The following KLRD1 variants were observed in gnomAD, a reference collection of about 807,000 sequenced individuals.
The protein encoded by KLRD1 is killer cell lectin like receptor D1.
A neutral mutation model predicts 22.6 loss-of-function variants in KLRD1; 21 were observed. The observed-to-expected ratio is 0.93, with a 90% CI of 0.66 to 1.34. The LOEUF is 1.34. Ranked by LOEUF, KLRD1 falls within the 40% of genes most tolerant of loss-of-function variation. KLRD1 has a pLI of 0.00. For synonymous variants in KLRD1, 59 were observed against 71.1 expected, an observed-to-expected ratio of 0.83 and a Z score of 0.85; for missense variants, 183 against 208.6, an observed-to-expected ratio of 0.88 and a Z score of 0.76.
chr12:10,307,942 C>A lies in KLRD1; in HGVS notation c.-136C>A. On this transcript the variant is annotated 5_prime_UTR_variant, in exon 1 of 6. Coordinates refer to ENST00000336164, the MANE Select transcript of KLRD1 (RefSeq NM_002262.5). ...ATTTAAATACACAATTTTTCATTCT[C>A]TATTTTTGCTAAATTTCTTCATACT... 2.6e-6 allele frequency: 2 copies of A among 761,348 alleles called. No individual in the cohort carries two copies. Among genetic ancestry groups the A allele is most frequent in the East Asian group, 2.5e-5 (1 of 39,844 alleles). The allele number at this position is 761,348 out of a possible 1,614,324, so 47.2% of individuals were successfully genotyped here.
In KLRD1 at chr12:10,311,925, CTG is replaced by C. The variant is rs1470078825; in HGVS notation, c.315+313_315+314del. Among the ~76,000 whole-genome samples the C allele has an allele frequency of 1.3e-4, 20 of 152,122 alleles. No homozygotes were observed. The South Asian group carries it at 2.7e-3, about 21-fold the overall frequency. ...TTTATTTGAAGAACCAACTAAATGACTGTGATTCTTAACTCTTTTAATTGAAT... is the reference window on the plus strand; with the variant it reads ...TTTATTTGAAGAACCAACTAAATGACTGATTCTTAACTCTTTTAATTGAAT... On this transcript the variant is annotated intron_variant, in intron 4 of 5. Coordinates refer to ENST00000336164, the MANE Select transcript of KLRD1 (RefSeq NM_002262.5).
intron 1 of KLRD1, among the ~76,000 whole-genome samples, chr12:10,256,443 G>GCA (rs1225512584): frequency 1.8e-4 from 10 of 56,764 alleles, no homozygotes; most frequent in Non-Finnish European, 2.5e-4. Context: ...TTTTTTTTTT[G>GCA]TAGAGACACA....
At position 10,309,773 on chromosome 12, in the gene KLRD1, A is replaced by T. The variant is rs75351808; in HGVS notation, c.163+85A>T. On this transcript the variant is annotated intron_variant, in intron 3 of 5. Coordinates refer to ENST00000336164, the MANE Select transcript of KLRD1 (RefSeq NM_002262.5). ...TTTTTCACACAGAGAGGCATGATGG[A>T]ATATTATACTTAGTAATAGAAATTT... The T allele has an allele frequency of 2.3e-3, 2,095 of 896,088 alleles. 28 individuals carry two copies. The African/African-American group carries it at 0.03, about 13-fold the overall frequency. 55.5% of individuals were successfully genotyped at this position (896,088 alleles called of 1,614,324 possible). A position where few individuals can be genotyped will look rare whatever the true frequency, so the allele number is the denominator to read the frequency against.
At chr12:10,293,005 C>G (rs1350268567) in intron 1 of KLRD1, among the ~76,000 whole-genome samples, 1 of 149,802 alleles carries the variant, frequency 6.7e-6, no homozygotes, top group African/African-American at 2.4e-5. Context: ...TCTCAAGAAG[C>G]AACCTCTGCT....
At chr12:10,248,074 C>T (rs147361687) in intron 1 of KLRD1, among the ~76,000 whole-genome samples, 5 of 152,242 alleles carry the variant, frequency 3.3e-5, no homozygotes, top group East Asian at 1.9e-4. Flanking sequence ...TGTGCACATG[C>T]GTGACCTTGA....
chr12:10,288,863 C>T (rs897812035), intron 1 of KLRD1, among the ~76,000 whole-genome samples: 4 of 152,080 alleles, frequency 2.6e-5, no homozygotes, highest in South Asian at 2.1e-4. Context: ...GTGTTTAATG[C>T]GTACCAAATG....
chr12:10,316,300 A>C lies in KLRD1; in HGVS notation c.*1507A>C, dbSNP rs1385266797. 6.6e-6 allele frequency: 1 copy of C among 152,170 alleles called. No homozygotes were observed. The highest frequency in any genetic ancestry group is 1.5e-5 in the Non-Finnish European group (1 of 68,020). 9.4% of individuals were successfully genotyped at this position (152,170 alleles called of 1,614,324 possible). On this transcript the variant is annotated 3_prime_UTR_variant, in exon 6 of 6. Coordinates refer to ENST00000336164, the MANE Select transcript of KLRD1 (RefSeq NM_002262.5). ...TGTACACTAGGCCACTGGTGTACCA[A>C]TTAGAAACCACTTTAGAGTTATGCC...
At chr12:10,268,045 G>A (rs192470927) in intron 1 of KLRD1, among the ~76,000 whole-genome samples, 1 of 152,276 alleles carries the variant, frequency 6.6e-6, no homozygotes, top group East Asian at 1.9e-4. Flanking sequence ...ATCAGTAAAG[G>A]TAAGTGAGTT....
Position 10,315,004 on chromosome 12 carries a change from A to C in KLRD1, c.*211A>C, listed in dbSNP as rs984191702. On this transcript the variant is annotated 3_prime_UTR_variant, in exon 6 of 6. Transcript: ENST00000336164. The stretch of plus-strand genomic sequence containing the variant: ...CATTTGAGAATTATAAAATTAACAT[A>C]AAGAATTTTGTATTTTCATTTAATG... The C allele has an allele frequency of 2.6e-6, 1 of 382,752 alleles. No individual in the cohort carries two copies. The highest frequency in any genetic ancestry group is 2.2e-5 in the African/African-American group (1 of 45,784). The allele number at this position is 382,752 out of a possible 1,614,324, so 23.7% of individuals were successfully genotyped here.
At position 10,321,868 on chromosome 12, in the gene KLRD1, G is replaced by T. The variant is rs910794942; in HGVS notation, c.*7075G>T. ...ATACAACCCAACCTACATTTTTACT[G>T]CAACCTCATGAGGGATCCTGAGCTA... On this transcript the variant is annotated 3_prime_UTR_variant, in exon 6 of 6. Coordinates refer to ENST00000336164, the MANE Select transcript of KLRD1 (RefSeq NM_002262.5). 1 of 152,146 alleles carries T rather than the reference G, an allele frequency of 6.6e-6. No individual in the cohort carries two copies. The highest frequency in any genetic ancestry group is 1.5e-5 in the Non-Finnish European group (1 of 68,032). 9.4% of individuals were successfully genotyped at this position (152,146 alleles called of 1,614,324 possible).
chr12:10,264,124 A>G lies in KLRD1; in HGVS notation c.-101+37891A>G, dbSNP rs1258742367. 3.3e-5 allele frequency among the ~76,000 whole-genome samples: 5 copies of G among 152,144 alleles called. No homozygotes were observed. The South Asian group carries it at 6.2e-4, about 19-fold the overall frequency. ...CCAAGAATATTCTTGTTTATTTAGC[A>G]TTTCCTCCTCTATTTCTGTCATATA... On this transcript the variant is annotated intron_variant, in intron 1 of 5. Transcript: ENST00000544747.
rs1468255135 is a variant in KLRD1 at position 10,329,175 on chromosome 12, T to G, written c.*14382T>G. 6.6e-6 allele frequency: 1 copy of G among 152,236 alleles called. No homozygotes were observed. Among genetic ancestry groups the G allele is most frequent in the African/African-American group, 2.4e-5 (1 of 41,466 alleles). The allele number at this position is 152,236 out of a possible 1,614,324, so 9.4% of individuals were successfully genotyped here. ...TATAAACTTTTCTTTTAGCCCTACT[T>G]TTACTACATCCCATAAGTTTTGTTA... On this transcript the variant is annotated 3_prime_UTR_variant, in exon 6 of 6. Transcript: ENST00000336164.
intron 1 of KLRD1, among the ~76,000 whole-genome samples, chr12:10,252,578 CTT>C: frequency 6.6e-6 from 1 of 152,178 alleles, no homozygotes; most frequent in South Asian, 2.1e-4. Context: ...CCTCATGTTA[CTT>C]AAGATTTGAA....
intron 1 of KLRD1, among the ~76,000 whole-genome samples, chr12:10,257,397 C>CTGT (rs1343051191): frequency 2.7e-5 from 4 of 149,436 alleles, no homozygotes; most frequent in African/African-American, 9.8e-5. Flanking sequence ...CTCTTAGTCT[C>CTGT]TGTTCACTTT....
intron 1 of KLRD1, among the ~76,000 whole-genome samples, chr12:10,278,796 G>T (rs891928811): frequency 6.6e-6 from 1 of 151,876 alleles, no homozygotes; most frequent in Admixed American, 6.6e-5. Flanking sequence ...TTTTTGTTTT[G>T]TTTTGTTTTG....
chr12:10,313,219 A>G (rs1002299656), intron 4 of KLRD1, among the ~76,000 whole-genome samples, 191 bp from the exon 5 acceptor site: 2 of 152,120 alleles, frequency 1.3e-5, no homozygotes, highest in African/African-American at 4.8e-5. Flanking sequence ...TTTTCTCCAT[A>G]TATGAATGGG....
upstream of KLRD1, among the ~76,000 whole-genome samples, chr12:10,305,614 G>C: frequency 6.6e-6 from 1 of 152,120 alleles, no homozygotes; most frequent in East Asian, 1.9e-4. Flanking sequence ...CACAAGATTC[G>C]TTTGTTGACG....
rs1950340589 is a variant in KLRD1, at chr12:10,324,440, G to A, written c.*9647G>A. 6.6e-6 allele frequency: 1 copy of A among 151,194 alleles called. No homozygotes were observed. The highest frequency in any genetic ancestry group is 2.4e-5 in the African/African-American group (1 of 41,102). The allele number at this position is 151,194 out of a possible 1,614,324, so 9.4% of individuals were successfully genotyped here. A position where few individuals can be genotyped will look rare whatever the true frequency, so the allele number is the denominator to read the frequency against. ...TGTCTATTGTTTCCTTTTTTTGTGT[G>A]CCTGTGTACTCCATGGTTAGCTCCC... On this transcript the variant is annotated 3_prime_UTR_variant, in exon 6 of 6. Transcript: ENST00000336164.
At chr12:10,239,005 A>G (rs1949208465) in intron 1 of KLRD1, among the ~76,000 whole-genome samples, 2 of 152,022 alleles carry the variant, frequency 1.3e-5, no homozygotes, top group African/African-American at 4.8e-5. Context: ...CCTTATTGTT[A>G]TTAAGATGTT....
Sources: gnomAD v4.1 joint callset for allele counts (sites outside exome capture counted in the v4.1 genomes callset) on GRCh38, gnomAD v4.1.1 for gene constraint, MANE v1.5 for transcripts, NCBI Gene and HGNC (gene_info 2026-07-23, HGNC 2026-07-21) for gene names.